Variants in CLIP1 observed in about 807,000 individuals in gnomAD.
The protein encoded by CLIP1 is CAP-Gly domain-containing linker protein 1.
Under a neutral mutation model 161.6 loss-of-function variants are expected in CLIP1, and 66 were observed. The observed-to-expected ratio is 0.41, with a 90% CI of 0.33 to 0.50. CLIP1 has a LOEUF of 0.50. Among genes scored for constraint, CLIP1 ranks in the 20% least tolerant of loss-of-function variants. The pLI is 0.27. For missense variants in CLIP1, 1,376 were observed against 1,702.0 expected (o/e 0.81, Z 3.37); for synonymous variants, 598 against 626.2 (o/e 0.96, Z 0.67).
At chr12:122,307,425 GCTT>G (rs1950916704) in intron 20 of CLIP1, among the ~76,000 whole-genome samples, 1 of 152,094 alleles carries the variant, frequency 6.6e-6, no homozygotes, top group Non-Finnish European at 1.5e-5. Context: ...AAATTATGGT[GCTT>G]CTAAATAAAG....
At chr12:122,286,822 C>T (rs1042974761) in intron 21 of CLIP1, among the ~76,000 whole-genome samples, 1 of 152,092 alleles carries the variant, frequency 6.6e-6, no homozygotes, top group Non-Finnish European at 1.5e-5. Flanking sequence ...CACGGTGAAA[C>T]CCCATCTCTA....
chr12:122,273,253 A>AT (rs927889183), intron 25 of CLIP1, among the ~76,000 whole-genome samples, 153 bp from the exon 26 acceptor site: 16 of 152,034 alleles, frequency 1.1e-4, no homozygotes, highest in African/African-American at 2.9e-4. Context: ...CATTTAAAGT[A>AT]TTTTTTTTAT....
At chr12:122,290,628 TA>T (rs1416757122) in intron 20 of CLIP1, among the ~76,000 whole-genome samples, 3 of 152,122 alleles carry the variant, frequency 2.0e-5, no homozygotes, top group African/African-American at 7.2e-5. Context: ...CAAAACAAAA[TA>T]AAAATCATTA....
intron 17 of CLIP1, among the ~76,000 whole-genome samples, chr12:122,327,695 G>A (rs191279199): frequency 3.9e-5 from 6 of 152,124 alleles, no homozygotes; most frequent in Admixed American, 3.9e-4. Flanking sequence ...AAGCAGCACA[G>A]GGGTGATGGC....
At chr12:122,275,604 C>T (rs894535391) in intron 24 of CLIP1, 3 of 150,162 alleles carry the variant, frequency 2.0e-5, no homozygotes, top group Non-Finnish European at 4.4e-5. Context: ...GAGCAAGACT[C>T]CATCTCAAAA....
chr12:122,360,683 T>C (rs1217160469), intron 5 of CLIP1: 3 of 324,574 alleles, frequency 9.2e-6, no homozygotes, highest in Non-Finnish European at 1.7e-5. Flanking sequence ...TGTGTTAGAC[T>C]AGGCAGTAGT....
chr12:122,331,020 T>A (rs1951937673), intron 15 of CLIP1, among the ~76,000 whole-genome samples: 1 of 151,116 alleles, frequency 6.6e-6, no homozygotes, highest in African/African-American at 2.4e-5. Context: ...ATTATTTATT[T>A]ATTTTTTTTT....
intron 1 of CLIP1, among the ~76,000 whole-genome samples, chr12:122,409,609 G>A (rs1397798242): frequency 6.6e-6 from 1 of 151,968 alleles, no homozygotes; most frequent in Admixed American, 6.6e-5. Context: ...TCAGCTCACT[G>A]CAACCTCTGC....
In CLIP1 at chr12:122,329,754, A is replaced by T. The variant is rs150812549; in HGVS notation, c.2868-1328T>A. 1.9e-3 allele frequency among the ~76,000 whole-genome samples: 295 copies of T among 152,324 alleles called. 2 individuals carry two copies. The highest frequency in any genetic ancestry group is 6.8e-3 in the African/African-American group (282 of 41,582). The stretch of plus-strand genomic sequence containing the variant: ...CTAGTGCTTCTGGAGGACAGCAGAT[A>T]CAAAAATGACAATAAATAACTTGAA... On this transcript the variant is annotated intron_variant, in intron 15 of 25. Transcript: ENST00000620786.
intron 19 of CLIP1, among the ~76,000 whole-genome samples, chr12:122,312,876 A>G (rs1951111098): frequency 6.6e-6 from 1 of 152,192 alleles, no homozygotes; most frequent in African/African-American, 2.4e-5. Context: ...GCAAAACCCC[A>G]TACACGTTAA....
intron 5 of CLIP1, among the ~76,000 whole-genome samples, chr12:122,358,624 G>A (rs1028391189): frequency 6.6e-6 from 1 of 151,598 alleles, no homozygotes; most frequent in African/African-American, 2.4e-5. Context: ...TTTCTCATCT[G>A]TAAATTGGGT....
At position 122,278,875 on chromosome 12, in the gene CLIP1, G is replaced by C. The variant is rs1422624328; in HGVS notation, c.3833C>G (p.Ser1278Cys). Reference sequence around the variant, plus strand: ...CTTGAGCTCGAGCTTCACCTTATCAGACTCTAGAGTCTGAACAACTGAATG... The same window carrying C: ...CTTGAGCTCGAGCTTCACCTTATCACACTCTAGAGTCTGAACAACTGAATG... The part of the protein sequence containing the change: ...SLHSVVQTLE[S>C]DKVKLELKVK... The change falls in exon 23 of 26, where the codon TCT (serine) becomes TGT (cysteine). Residue 1278 changes from serine (S) to cysteine (C), a missense_variant. Ser to Cys is a moderately radical substitution (Grantham distance 112). Coordinates refer to ENST00000620786, the MANE Select transcript of CLIP1 (RefSeq NM_001247997.2). The C allele has an allele frequency of 1.2e-6, 2 of 1,613,378 alleles. No homozygotes were observed. Among genetic ancestry groups the C allele is most frequent in the Non-Finnish European group, 1.7e-6 (2 of 1,179,804 alleles).
At chr12:122,363,692 T>C (rs1429076107) in intron 4 of CLIP1, among the ~76,000 whole-genome samples, 2 of 150,790 alleles carry the variant, frequency 1.3e-5, no homozygotes, top group Non-Finnish European at 2.9e-5. Context: ...TCAACTCCTA[T>C]CAAAAGGGAG....
Position 122,340,980 on chromosome 12 carries a change from CCTTT to C in CLIP1, c.2220_2223del (p.Ile740MetfsTer2). ...GCTTGCAGTACCTCTAGCTCCTTTA[CCTTT>C]ATTTCAGCTTCCTGTAATTTGTTTA... On this transcript the variant is annotated frameshift_variant, in exon 11 of 26. Transcript: ENST00000620786. LOFTEE classifies it high-confidence loss of function. The C allele has an allele frequency of 6.2e-7, 1 of 1,614,170 alleles. No homozygotes were observed.
rs369694685 is a variant in CLIP1, at chr12:122,322,870, C to A, written c.3250-3522G>T. ...TGTTAAGTTGAGCATCCAAACTCTC[C>A]TTTGCTTGCAATATGTGAGTGTGTT... On this transcript the variant is annotated intron_variant, in intron 17 of 25. Coordinates refer to ENST00000620786, the MANE Select transcript of CLIP1 (RefSeq NM_001247997.2). 10 of 152,764 alleles carry A rather than the reference C, an allele frequency of 6.5e-5. No homozygotes were observed. In the East Asian group the frequency reaches 1.7e-3, roughly 27 times the overall value. The allele number at this position is 152,764 out of a possible 1,614,324, so 9.5% of individuals were successfully genotyped here.
chr12:122,398,424 TAA>T (rs375091505), intron 1 of CLIP1, among the ~76,000 whole-genome samples: 32 of 135,912 alleles, frequency 2.4e-4, no homozygotes, highest in African/African-American at 6.4e-4. Context: ...GACTCCACCT[TAA>T]AAAAAAAAAA....
Position 122,316,740 on chromosome 12 carries a change from GAA to G in CLIP1, c.3473+7_3473+8del. 1 of 1,460,056 alleles carries G rather than the reference GAA, an allele frequency of 6.8e-7. No homozygotes were observed. Among genetic ancestry groups the G allele is most frequent in the Non-Finnish European group, 9.3e-7 (1 of 1,071,182 alleles). The allele number at this position is 1,460,056 out of a possible 1,614,324, so 90.4% of individuals were successfully genotyped here. A position where few individuals can be genotyped will look rare whatever the true frequency, so the allele number is the denominator to read the frequency against. ...TTCCATATTTTTTTCTCAAAGGATA[GAA>G]ACTTACATTTCTTTCCTAAATTCTT... is the stretch of plus-strand genomic sequence containing the variant. On this transcript the variant is annotated splice_region_variant and intron_variant, in intron 19 of 25. Transcript: ENST00000620786.
At chr12:122,364,184 T>C in intron 3 of CLIP1, 77 bp from the exon 4 acceptor site, 1 of 1,530,682 alleles carries the variant, frequency 6.5e-7, no homozygotes, top group East Asian at 2.3e-5. Context: ...TACTAGTAAC[T>C]AGGTACTACA....
At chr12:122,309,959 G>C in intron 19 of CLIP1, 77 bp from the exon 20 acceptor site, 1 of 1,537,790 alleles carries the variant, frequency 6.5e-7, no homozygotes, top group Non-Finnish European at 8.9e-7. Flanking sequence ...CAGCTTCACA[G>C]CACTGAAGAA....
Sources: gnomAD v4.1 joint callset for allele counts (sites outside exome capture counted in the v4.1 genomes callset) on GRCh38, gnomAD v4.1.1 for gene constraint, MANE v1.5 for transcripts, NCBI Gene and HGNC (gene_info 2026-07-23, HGNC 2026-07-21) for gene names.